The following PID1 variants were observed in gnomAD, a reference collection of about 807,000 sequenced individuals.
PID1 encodes the protein phosphotyrosine interaction domain containing 1.
PID1 carries 10 observed loss-of-function variants against 19.1 expected under a neutral mutation model. The observed-to-expected ratio is 0.52, with a 90% CI of 0.32 to 0.89. The LOEUF (loss-of-function observed/expected upper bound fraction) is 0.89, where lower values mean the gene tolerates loss of function less well. Among genes scored for constraint, PID1 ranks in the 40% least tolerant of loss-of-function variants. PID1 has a pLI of 0.03. For missense variants in PID1, 248 were observed against 285.3 expected, an observed-to-expected ratio of 0.87 and a Z score of 0.94; for synonymous variants, 130 against 116.0, an observed-to-expected ratio of 1.12 and a Z score of -0.78.
intron 1 of PID1, among the ~76,000 whole-genome samples, chr2:229,171,840 A>G (rs1251871648): frequency 6.6e-6 from 1 of 152,108 alleles, no homozygotes; most frequent in Non-Finnish European, 1.5e-5. Flanking sequence ...ATATACCACT[A>G]CTGGTTACCA....
At chr2:229,104,469 T>G (rs1166704637) in intron 2 of PID1, among the ~76,000 whole-genome samples, 2 of 152,242 alleles carry the variant, frequency 1.3e-5, no homozygotes, top group Non-Finnish European at 2.9e-5. Flanking sequence ...AATACAAATG[T>G]GTACTCCTAT....
intron 2 of PID1, among the ~76,000 whole-genome samples, chr2:229,072,042 T>C (rs1485330265): frequency 6.6e-6 from 1 of 152,184 alleles, no homozygotes; most frequent in African/African-American, 2.4e-5. Context: ...CATATACAAA[T>C]CTGTAAAACA....
At chr2:229,037,211 C>T (rs1463468743) in intron 2 of PID1, among the ~76,000 whole-genome samples, 1 of 152,024 alleles carries the variant, frequency 6.6e-6, no homozygotes, top group East Asian at 1.9e-4. Context: ...TCGATATAAT[C>T]TATAAAAATA....
chr2:229,146,628 A>C (rs965717859), intron 2 of PID1, among the ~76,000 whole-genome samples: 1 of 152,094 alleles, frequency 6.6e-6, no homozygotes, highest in Non-Finnish European at 1.5e-5. Context: ...TGGCCACCCA[A>C]AGACATTACA....
At chr2:229,159,308 C>G (rs1415821947) in intron 1 of PID1, among the ~76,000 whole-genome samples, 1 of 152,182 alleles carries the variant, frequency 6.6e-6, no homozygotes, top group Non-Finnish European at 1.5e-5. Context: ...ATTGACTTGG[C>G]TAGGCTACCA....
At chr2:229,200,277 C>A (rs1293206145) in intron 1 of PID1, among the ~76,000 whole-genome samples, 1 of 152,008 alleles carries the variant, frequency 6.6e-6, no homozygotes, top group Non-Finnish European at 1.5e-5. Flanking sequence ...CATCGCTTTG[C>A]CTCTCTATTC....
In PID1 at chr2:229,167,607, G is replaced by A. The variant is rs371394687; in HGVS notation, c.31-11643C>T. On this transcript the variant is annotated intron_variant, in intron 1 of 2. Transcript: ENST00000392055. ...AGATTAAAGAATACTAAAGAGATAT[G>A]ACTACTAAATACAATATATGATCTT... is the stretch of plus-strand genomic sequence containing the variant. 2.3e-4 allele frequency among the ~76,000 whole-genome samples: 35 copies of A among 152,188 alleles called. No individual in the cohort carries two copies. The East Asian group carries it at 5.8e-3, about 25-fold the overall frequency.
At chr2:229,122,636 T>C (rs1027431298) in intron 2 of PID1, among the ~76,000 whole-genome samples, 23 of 152,194 alleles carry the variant, frequency 1.5e-4, no homozygotes, top group Admixed American at 1.5e-3. Context: ...TAGCCAGCAT[T>C]TGTGGAACAC....
intron 1 of PID1, among the ~76,000 whole-genome samples, chr2:229,267,514 A>G (rs574942105): frequency 3.3e-5 from 5 of 152,226 alleles, no homozygotes; most frequent in Non-Finnish European, 7.3e-5. Context: ...TACGCCTATC[A>G]CATTCCACTC....
chr2:229,270,987 G>A (rs758144368), intron 1 of PID1, 27 bp downstream of exon 1: 2 of 1,384,392 alleles, frequency 1.4e-6, no homozygotes, highest in East Asian at 2.9e-5. Context: ...CCTCCAGGCT[G>A]GCCCCCGGCT....
Position 229,123,637 on chromosome 2 carries a change from C to G in PID1, c.177+32181G>C, listed in dbSNP as rs143594212. ...ATGCCAATACCATTTTACCTTCCCACCAGCAGTGTTTGGGGGTTTCACTTT... is the reference window on the plus strand; with the variant it reads ...ATGCCAATACCATTTTACCTTCCCAGCAGCAGTGTTTGGGGGTTTCACTTT... On this transcript the variant is annotated intron_variant, in intron 2 of 2. Coordinates refer to ENST00000392055, the MANE Select transcript of PID1 (RefSeq NM_001100818.2). 2.6e-4 allele frequency among the ~76,000 whole-genome samples: 39 copies of G among 152,282 alleles called. 2 individuals carry two copies. In the East Asian group the frequency reaches 7.5e-3, roughly 29 times the overall value.
chr2:229,067,618 TC>T (rs1694356065), intron 2 of PID1, among the ~76,000 whole-genome samples: 1 of 152,104 alleles, frequency 6.6e-6, no homozygotes, highest in Non-Finnish European at 1.5e-5. Flanking sequence ...CCATCCATAC[TC>T]CTCTGCCCTG....
chr2:229,214,263 A>C (rs1231266368), intron 1 of PID1, among the ~76,000 whole-genome samples: 2 of 124,660 alleles, frequency 1.6e-5, no homozygotes, highest in African/African-American at 5.7e-5. Flanking sequence ...GCAAAGATCT[A>C]AACTCAAGTC....
chr2:229,216,791 C>A (rs1016057437), intron 1 of PID1, among the ~76,000 whole-genome samples: 4 of 152,084 alleles, frequency 2.6e-5, no homozygotes, highest in African/African-American at 9.7e-5. Flanking sequence ...TGTCCCAGAG[C>A]TGCAAATGAT....
chr2:229,192,405 C>A (rs1691279555), intron 1 of PID1, among the ~76,000 whole-genome samples: 1 of 152,116 alleles, frequency 6.6e-6, no homozygotes. Context: ...TCAAGAGTAT[C>A]CGGATAAATT....
At chr2:229,123,360 T>C (rs1695560931) in intron 2 of PID1, among the ~76,000 whole-genome samples, 1 of 152,244 alleles carries the variant, frequency 6.6e-6, no homozygotes, top group Admixed American at 6.5e-5. Flanking sequence ...ACGCTTCATT[T>C]CTTTGTATTG....
intron 2 of PID1, among the ~76,000 whole-genome samples, chr2:229,131,627 A>C (rs1233560285): frequency 6.6e-6 from 1 of 152,236 alleles, no homozygotes; most frequent in East Asian, 1.9e-4. Context: ...ATTAATAATT[A>C]ATTTCATAGC....
intron 1 of PID1, among the ~76,000 whole-genome samples, chr2:229,160,845 T>C (rs936636014): frequency 6.6e-6 from 1 of 152,166 alleles, no homozygotes; most frequent in Non-Finnish European, 1.5e-5. Context: ...TAAGAATACA[T>C]CTTCCTATGG....
At chr2:229,074,890 G>A (rs935363780) in intron 2 of PID1, among the ~76,000 whole-genome samples, 4 of 152,132 alleles carry the variant, frequency 2.6e-5, no homozygotes, top group South Asian at 2.1e-4. Context: ...AAACTAGTTC[G>A]ACCAATATTA....
Sources: gnomAD v4.1 joint callset for allele counts (sites outside exome capture counted in the v4.1 genomes callset) on GRCh38, gnomAD v4.1.1 for gene constraint, MANE v1.5 for transcripts, NCBI Gene and HGNC (gene_info 2026-07-23, HGNC 2026-07-21) for gene names.